The following SMC5 variants were observed in gnomAD, a reference collection of about 807,000 sequenced individuals.
SMC5 encodes structural maintenance of chromosomes 5.
A neutral mutation model predicts 148.3 loss-of-function variants in SMC5; 88 were observed. The observed-to-expected ratio is 0.59, with a 90% CI of 0.50 to 0.71. The LOEUF (loss-of-function observed/expected upper bound fraction) is 0.71, where lower values mean the gene tolerates loss of function less well. Among genes scored for constraint, SMC5 ranks in the 30% least tolerant of loss-of-function variants. SMC5 has a pLI of 0.00. For synonymous variants in SMC5, 421 were observed against 432.8 expected, an observed-to-expected ratio of 0.97 and a Z score of 0.34; for missense variants, 1,142 against 1,298.9, an observed-to-expected ratio of 0.88 and a Z score of 1.86.
chr9:70,325,624 A>G (rs1482355985), intron 17 of SMC5, among the ~76,000 whole-genome samples: 2 of 152,236 alleles, frequency 1.3e-5, no homozygotes. Flanking sequence ...AACTAGAGCT[A>G]CATGATAAAG....
intron 17 of SMC5, among the ~76,000 whole-genome samples, chr9:70,334,941 T>C (rs908283621): frequency 6.6e-6 from 1 of 152,176 alleles, no homozygotes; most frequent in Non-Finnish European, 1.5e-5. Flanking sequence ...GGGAAGTTTA[T>C]ATTAAAGGCA....
Position 70,298,109 on chromosome 9 carries a change from G to A in SMC5, c.1197G>A (p.Gln399=). The change falls in exon 9 of 25, where the codon CAG becomes CAA. Residue 399 remains glutamine, a synonymous_variant. Coordinates refer to ENST00000361138, the MANE Select transcript of SMC5 (RefSeq NM_015110.4). The stretch of plus-strand genomic sequence containing the variant: ...AAAACTGCGAGAATCTTCAGCCCCA[G>A]ATTGATGCCATTACAAATGATCTGA... ...TTENCENLQP[Q]IDAITNDLRR... 2.5e-6 allele frequency: 4 copies of A among 1,614,066 alleles called. No homozygotes were observed. The highest frequency in any genetic ancestry group is 3.4e-6 in the Non-Finnish European group (4 of 1,179,942).
At chr9:70,308,495 T>C (rs2035565599) in intron 11 of SMC5, among the ~76,000 whole-genome samples, 2 of 144,986 alleles carry the variant, frequency 1.4e-5, no homozygotes, top group South Asian at 4.3e-4. Flanking sequence ...TTGGAGAGGC[T>C]GAGGCAGGAG....
chr9:70,295,507 G>A (rs1386577036), intron 8 of SMC5, among the ~76,000 whole-genome samples: 1 of 151,418 alleles, frequency 6.6e-6, no homozygotes, highest in Non-Finnish European at 1.5e-5. Flanking sequence ...GGAACATTCA[G>A]AGAAATTACA....
At chr9:70,279,423 G>A (rs535206065) in intron 5 of SMC5, among the ~76,000 whole-genome samples, 2 of 152,250 alleles carry the variant, frequency 1.3e-5, no homozygotes, top group South Asian at 4.1e-4. Context: ...GGATGCTAAG[G>A]TGGGAGGATT....
At chr9:70,352,111 TTTGACTG>T in intron 24 of SMC5, 73 bp from the exon 25 acceptor site, 2 of 1,253,150 alleles carry the variant, frequency 1.6e-6, no homozygotes, top group South Asian at 3.3e-5. Flanking sequence ...AAATAATACA[TTTGACTG>T]TACACATGTA....
intron 8 of SMC5, among the ~76,000 whole-genome samples, chr9:70,288,950 TA>T (rs1483447640): frequency 3.9e-5 from 6 of 152,358 alleles, no homozygotes; most frequent in African/African-American, 1.4e-4. Flanking sequence ...CACACACATA[TA>T]TACATACGTT....
chr9:70,266,232 A>AT (rs1467182115), intron 2 of SMC5, among the ~76,000 whole-genome samples: 1 of 152,120 alleles, frequency 6.6e-6, no homozygotes, highest in Non-Finnish European at 1.5e-5. Flanking sequence ...TCCCCTTAAG[A>AT]TTATAAATTA....
intron 2 of SMC5, among the ~76,000 whole-genome samples, chr9:70,264,719 A>G (rs1239017151): frequency 1.3e-5 from 2 of 152,180 alleles, no homozygotes; most frequent in Non-Finnish European, 1.5e-5. Flanking sequence ...GGCTTGTGGA[A>G]CAGTGAAGTA....
chr9:70,297,929 A>T, intron 8 of SMC5, 37 bp from the exon 9 acceptor site: 1 of 1,581,074 alleles, frequency 6.3e-7, no homozygotes, highest in Non-Finnish European at 8.6e-7. Context: ...CCAAGAGGAA[A>T]ACAGTCTCAA....
chr9:70,263,275 A>G (rs1197089583), intron 1 of SMC5, among the ~76,000 whole-genome samples: 1 of 152,250 alleles, frequency 6.6e-6, no homozygotes, highest in Admixed American at 6.5e-5. Context: ...AGCTAAAAAG[A>G]TAAAGTAGTA....
At chr9:70,295,267 C>T (rs1268361232) in intron 8 of SMC5, among the ~76,000 whole-genome samples, 2 of 151,002 alleles carry the variant, frequency 1.3e-5, no homozygotes, top group Non-Finnish European at 2.9e-5. Context: ...AGATCGAGAC[C>T]ATCCTGGCCA....
chr9:70,274,143 G>C (rs1008598188), intron 3 of SMC5, among the ~76,000 whole-genome samples: 1 of 152,204 alleles, frequency 6.6e-6, no homozygotes, highest in South Asian at 2.1e-4. Context: ...GTGCAGTGGC[G>C]TGATCTCGGC....
chr9:70,321,901 T>G (rs548345250), intron 15 of SMC5, among the ~76,000 whole-genome samples: 1 of 152,136 alleles, frequency 6.6e-6, no homozygotes, highest in Non-Finnish European at 1.5e-5. Flanking sequence ...CCCACAGCTT[T>G]TTGTTGTTGT....
chr9:70,320,774 G>A (rs1007708484), intron 15 of SMC5, among the ~76,000 whole-genome samples: 1 of 151,978 alleles, frequency 6.6e-6, no homozygotes, highest in African/African-American at 2.4e-5. Flanking sequence ...AGATTTTGAG[G>A]TTTAATAAAA....
chr9:70,320,452 G>A lies in SMC5; in HGVS notation c.2150+1489G>A, dbSNP rs2035914424. 2.0e-5 allele frequency among the ~76,000 whole-genome samples: 3 copies of A among 152,040 alleles called. No individual in the cohort carries two copies. In the South Asian group the frequency reaches 6.2e-4, roughly 32 times the overall value. ...ATATTCAGGGGGACAAAAATGGATGGTTATGTCTGTATGGAACACATACAG... is the reference window on the plus strand; with the variant it reads ...ATATTCAGGGGGACAAAAATGGATGATTATGTCTGTATGGAACACATACAG... On this transcript the variant is annotated intron_variant, in intron 15 of 24. Coordinates refer to ENST00000361138, the MANE Select transcript of SMC5 (RefSeq NM_015110.4).
At chr9:70,314,664 A>G in intron 11 of SMC5, 78 bp from the exon 12 acceptor site, 1 of 614,794 alleles carries the variant, frequency 1.6e-6, no homozygotes, top group Non-Finnish European at 2.6e-6. Context: ...GAATGCCAGT[A>G]GGAGTATGGT....
intron 17 of SMC5, among the ~76,000 whole-genome samples, chr9:70,335,147 T>C (rs1418019580): frequency 6.6e-6 from 1 of 152,192 alleles, no homozygotes; most frequent in East Asian, 1.9e-4. Flanking sequence ...AGAATATGTC[T>C]ATGAAAGACT....
chr9:70,292,381 C>T (rs2035087049), intron 8 of SMC5, among the ~76,000 whole-genome samples: 1 of 152,040 alleles, frequency 6.6e-6, no homozygotes, highest in African/African-American at 2.4e-5. Flanking sequence ...AGTCCTCTGA[C>T]TTAATTTCTT....
Sources: allele counts gnomAD v4.1 joint callset (sites outside exome capture counted in the v4.1 genomes callset), GRCh38; gene constraint gnomAD v4.1.1; transcripts MANE v1.5; gene names NCBI Gene and HGNC (gene_info 2026-07-23, HGNC 2026-07-21).